ACAD10: variants seen among roughly 807,000 people sequenced by gnomAD.
ACAD10 encodes the protein acyl-CoA dehydrogenase family member 10, also known as ACAD-10.
Under a neutral mutation model 116.8 loss-of-function variants are expected in ACAD10, and 112 were observed. That is an observed-to-expected ratio of 0.96 (90% confidence interval 0.82 to 1.12). The LOEUF (loss-of-function observed/expected upper bound fraction) is 1.12, where lower values mean the gene tolerates loss of function less well. Ranked by LOEUF, ACAD10 falls within the 50% of genes most tolerant of loss-of-function variation. The probability of loss-of-function intolerance (pLI) is 0.00; values close to 1 mark genes in which losing one functional copy is unlikely to be tolerated. For missense variants in ACAD10, 1,259 were observed against 1,350.2 expected, an observed-to-expected ratio of 0.93 and a Z score of 1.06; for synonymous variants, 486 against 510.6, an observed-to-expected ratio of 0.95 and a Z score of 0.65.
intron 7 of ACAD10, among the ~76,000 whole-genome samples, chr12:111,716,812 G>A (rs555350051): frequency 6.6e-6 from 1 of 152,274 alleles, no homozygotes; most frequent in East Asian, 1.9e-4. Context: ...GCCGAGGTGG[G>A]CACCACTGCA....
rs546460587 is a variant in ACAD10, at chr12:111,738,506, A to G, written c.1714+1502A>G. Among the ~76,000 whole-genome samples, 3 of 151,854 alleles carry G rather than the reference A, an allele frequency of 2.0e-5. No individual in the cohort carries two copies. In the East Asian group the frequency reaches 5.8e-4, roughly 29 times the overall value. The stretch of plus-strand genomic sequence containing the variant: ...CTGAACAGGCTCCCACTTGCTAACA[A>G]TAGGAAACTTTGGGCATCACCAAGG... On this transcript the variant is annotated intron_variant, in intron 12 of 20. Transcript: ENST00000313698.
chr12:111,692,683 T>G lies in ACAD10; in HGVS notation c.-13-14T>G, dbSNP rs2135942167. The G allele has an allele frequency of 6.2e-7, 1 of 1,606,152 alleles. No homozygotes were observed. Among genetic ancestry groups the G allele is most frequent in the Admixed American group, 1.7e-5 (1 of 59,408 alleles). On this transcript the variant is annotated splice_polypyrimidine_tract_variant and intron_variant, in intron 1 of 20. Transcript: ENST00000313698. ...GTGCAGGCAAGTAACGCCCTGTGCC[T>G]TCTTCCCACACAGCCTCAGCCTCAC...
intron 2 of ACAD10, among the ~76,000 whole-genome samples, chr12:111,693,425 C>G (rs1888111631): frequency 6.6e-6 from 1 of 152,152 alleles, no homozygotes; most frequent in Non-Finnish European, 1.5e-5. Context: ...GTAGTTCTAG[C>G]TACTCAGGAG....
chr12:111,751,075 A>T (rs984778485), intron 18 of ACAD10, among the ~76,000 whole-genome samples: 78 of 152,222 alleles, frequency 5.1e-4, no homozygotes, highest in Admixed American at 4.6e-4. Flanking sequence ...GAAAGTGCAT[A>T]GCATGAACAT....
intron 4 of ACAD10, among the ~76,000 whole-genome samples, chr12:111,708,368 C>T (rs1848916509): frequency 1.3e-5 from 2 of 152,164 alleles, no homozygotes; most frequent in South Asian, 4.1e-4. Context: ...TCAGCCAGTA[C>T]AGCTCTGCCA....
chr12:111,737,858 G>A (rs1374895382), intron 12 of ACAD10, among the ~76,000 whole-genome samples: 1 of 151,968 alleles, frequency 6.6e-6, no homozygotes, highest in Non-Finnish European at 1.5e-5. Context: ...GTGTGTGTGT[G>A]TGTGTGTGTG....
Position 111,756,432 on chromosome 12 carries a change from C to G in ACAD10, c.3139C>G (p.Arg1047Gly). 6.2e-7 allele frequency: 1 copy of G among 1,612,734 alleles called. No individual in the cohort carries two copies. The stretch of plus-strand genomic sequence containing the variant: ...TGCCGACGGCCCTGACGAGGTGCAC[C>G]GGGCCACGGTGGCCAAGCTAGAGCT... ...RFADGPDEVH[R>G]ATVAKLELKH... The change falls in exon 21 of 21, where the codon CGG becomes GGG. Residue 1047 changes from arginine to glycine, a missense_variant. Transcript: ENST00000313698.
Position 111,747,144 on chromosome 12 carries a change from GGA to G in ACAD10, c.2354_2355del (p.Glu785GlyfsTer23). On this transcript the variant is annotated frameshift_variant, in exon 15 of 21. Coordinates refer to ENST00000313698, the MANE Select transcript of ACAD10 (RefSeq NM_025247.6). LOFTEE classifies it high-confidence loss of function. Reference protein sequence around the residue: ...QKARWLIPLLEGKARSCFAMT... With the variant: ...QKARWLIPLLXGKARSCFAMT... ...AGGCTCGCTGGCTGATTCCTCTGCT[GGA>G]GGGGAAAGCCCGCTCCTGTTTTGCT... The G allele has an allele frequency of 6.2e-7, 1 of 1,613,230 alleles. No individual in the cohort carries two copies. Among genetic ancestry groups the G allele is most frequent in the Non-Finnish European group, 8.5e-7 (1 of 1,179,376 alleles).
chr12:111,696,542 G>GA (rs1232314973), intron 2 of ACAD10, among the ~76,000 whole-genome samples: 2 of 152,080 alleles, frequency 1.3e-5, no homozygotes, highest in African/African-American at 4.8e-5. Context: ...TATTGTCCAT[G>GA]ACTGCTTTTA....
At chr12:111,706,680 A>G (rs1457324492) in intron 4 of ACAD10, among the ~76,000 whole-genome samples, 1 of 151,120 alleles carries the variant, frequency 6.6e-6, no homozygotes, top group African/African-American at 2.4e-5. Flanking sequence ...CGAACTCCCA[A>G]CCTCAAGTGA....
At chr12:111,732,236 A>G (rs61941275) in intron 10 of ACAD10, among the ~76,000 whole-genome samples, 1,550 of 152,360 alleles carry the variant, frequency 0.01, 9 homozygotes, top group Non-Finnish European at 0.017. Flanking sequence ...ATTATAATAC[A>G]TGATAAATAA....
intron 2 of ACAD10, among the ~76,000 whole-genome samples, chr12:111,694,510 A>G (rs950515974): frequency 4.0e-5 from 6 of 150,786 alleles, no homozygotes; most frequent in Non-Finnish European, 8.9e-5. Flanking sequence ...ACCTGTCTCT[A>G]AAAAAAAAGG....
At chr12:111,746,014 CA>C in intron 13 of ACAD10, 129 bp from the exon 14 acceptor site, 1 of 1,177,764 alleles carries the variant, frequency 8.5e-7, no homozygotes, top group Non-Finnish European at 1.2e-6. Context: ...CTCCTCATAT[CA>C]TTTTTTTGGG....
At position 111,756,534 on chromosome 12, in the gene ACAD10, T is replaced by A; in HGVS notation, c.*61T>A. ...GTCCAGCTGTGCCCAGATCTGTCACTGATGTGCCTCGAAAGATCCGGTGTT... is the reference window on the plus strand; with the variant it reads ...GTCCAGCTGTGCCCAGATCTGTCACAGATGTGCCTCGAAAGATCCGGTGTT... On this transcript the variant is annotated 3_prime_UTR_variant, in exon 21 of 21. Transcript: ENST00000313698. The A allele has an allele frequency of 6.3e-7, 1 of 1,592,140 alleles. No homozygotes were observed. Among genetic ancestry groups the A allele is most frequent in the Non-Finnish European group, 8.5e-7 (1 of 1,173,542 alleles).
intron 16 of ACAD10, among the ~76,000 whole-genome samples, chr12:111,747,973 G>A (rs1222758883): frequency 6.6e-6 from 1 of 152,100 alleles, no homozygotes; most frequent in African/African-American, 2.4e-5. Context: ...TGATTCCAAG[G>A]CCCGGGCCCA....
chr12:111,690,483 C>T (rs2135940413), intron 1 of ACAD10: 1 of 151,874 alleles, frequency 6.6e-6, no homozygotes, highest in African/African-American at 2.4e-5. Context: ...GATGCTCAAC[C>T]TCTACAGTTT....
At chr12:111,723,641 G>A (rs1411871363) in intron 8 of ACAD10, among the ~76,000 whole-genome samples, 3 of 141,186 alleles carry the variant, frequency 2.1e-5, no homozygotes, top group Admixed American at 6.9e-5. Context: ...GCCGGGCGGG[G>A]GGCTGACCCC....
At chr12:111,720,911 G>A (rs1440755748) in intron 7 of ACAD10, among the ~76,000 whole-genome samples, 1 of 151,980 alleles carries the variant, frequency 6.6e-6, no homozygotes, top group Non-Finnish European at 1.5e-5. Context: ...AGCCACCCAA[G>A]TAGCTGGGAT....
At chr12:111,700,936 T>A (rs948337927) in intron 2 of ACAD10, among the ~76,000 whole-genome samples, 2 of 151,886 alleles carry the variant, frequency 1.3e-5, no homozygotes, top group African/African-American at 4.8e-5. Flanking sequence ...TTTTTAAATT[T>A]TTTCTAGAGA....
Sources: allele counts gnomAD v4.1 joint callset (sites outside exome capture counted in the v4.1 genomes callset), GRCh38; gene constraint gnomAD v4.1.1; transcripts MANE v1.5; gene names NCBI Gene and HGNC (gene_info 2026-07-23, HGNC 2026-07-21).